Variants in PCSK6 observed in about 807,000 individuals in gnomAD.
The protein encoded by PCSK6 is paired basic amino acid cleaving enzyme 4.
PCSK6 carries 85 observed loss-of-function variants against 123.3 expected under a neutral mutation model. The observed-to-expected ratio is 0.69, with a 90% CI of 0.58 to 0.83. The LOEUF is 0.83. Among genes scored for constraint, PCSK6 ranks in the 40% least tolerant of loss-of-function variants. The pLI, the probability that PCSK6 is intolerant of heterozygous loss-of-function variation, is 0.00. For synonymous variants in PCSK6, 508 were observed against 516.0 expected (o/e 0.98, Z 0.21); for missense variants, 1,191 against 1,282.3 (o/e 0.93, Z 1.09).
chr15:101,455,822 C>T (rs1596352394), intron 1 of PCSK6, among the ~76,000 whole-genome samples: 1 of 152,234 alleles, frequency 6.6e-6, no homozygotes, highest in African/African-American at 2.4e-5. Flanking sequence ...CATGACTTCA[C>T]CAAAATACAA....
At chr15:101,390,432 A>C (rs1253219929) in intron 8 of PCSK6, among the ~76,000 whole-genome samples, 1 of 118,810 alleles carries the variant, frequency 8.4e-6, no homozygotes, top group African/African-American at 3.3e-5. Context: ...GCCGACCTTA[A>C]ACCAGGAAGA....
At chr15:101,454,879 A>C (rs554253405) in intron 1 of PCSK6, among the ~76,000 whole-genome samples, 1 of 152,226 alleles carries the variant, frequency 6.6e-6, no homozygotes, top group South Asian at 2.1e-4. Flanking sequence ...CAGGAGGCGG[A>C]GGTTGCAGTG....
intron 1 of PCSK6, among the ~76,000 whole-genome samples, chr15:101,477,494 T>A (rs1304985964): frequency 6.6e-6 from 1 of 152,240 alleles, no homozygotes; most frequent in Non-Finnish European, 1.5e-5. Context: ...AACCTGCATA[T>A]GAGTGTGCAC....
At chr15:101,446,653 C>G (rs1225155935) in intron 1 of PCSK6, among the ~76,000 whole-genome samples, 1 of 152,232 alleles carries the variant, frequency 6.6e-6, no homozygotes, top group African/African-American at 2.4e-5. Context: ...CATATGTGAA[C>G]TCTGAAACAG....
chr15:101,489,290 C>G, intron 1 of PCSK6, 84 bp downstream of exon 1: 6 of 872,882 alleles, frequency 6.9e-6, no homozygotes, highest in Non-Finnish European at 8.4e-6. Context: ...CGGGGCCGGG[C>G]GGACAGGACT....
chr15:101,464,500 C>T (rs1397404023), intron 1 of PCSK6, among the ~76,000 whole-genome samples: 1 of 152,108 alleles, frequency 6.6e-6, no homozygotes, highest in East Asian at 1.9e-4. Flanking sequence ...GCTGGACCTC[C>T]GGGACATCCT....
At chr15:101,486,500 G>T (rs747049030) in intron 1 of PCSK6, among the ~76,000 whole-genome samples, 10 of 152,204 alleles carry the variant, frequency 6.6e-5, no homozygotes, top group Non-Finnish European at 1.5e-4. Flanking sequence ...TGCCGATAAT[G>T]ACATTGGACA....
At chr15:101,419,484 T>A (rs896830203) in intron 6 of PCSK6, among the ~76,000 whole-genome samples, 10 of 148,386 alleles carry the variant, frequency 6.7e-5, no homozygotes, top group African/African-American at 2.5e-4. Context: ...GATGTCATTC[T>A]CCCCCAATTA....
chr15:101,341,248 GT>G (rs149761692), intron 13 of PCSK6, among the ~76,000 whole-genome samples: 19,506 of 129,522 alleles, frequency 0.15, 1,713 homozygotes, highest in Admixed American at 0.27. Context: ...AAAGTGTGGG[GT>G]TTTTTTTTTT....
At position 101,489,402 on chromosome 15, in the gene PCSK6, G is replaced by A. The variant is rs1240219001; in HGVS notation, c.269C>T (p.Ala90Val). 10 of 1,272,556 alleles carry A rather than the reference G, an allele frequency of 7.9e-6. No homozygotes were observed. The highest frequency in any genetic ancestry group is 3.3e-5 in the Admixed American group (1 of 30,650). The allele number at this position is 1,272,556 out of a possible 1,614,324, so 78.8% of individuals were successfully genotyped here. A position where few individuals can be genotyped will look rare whatever the true frequency, so the allele number is the denominator to read the frequency against. ...GGPAEADRVA[A>V]AHGYLNLGQI... is the part of the protein sequence containing the mutation. ...GCCCAAGTTGAGGTACCCGTGCGCC[G>A]CCGCCACGCGGTCCGCCTCGGCCGG... The change falls in exon 1 of 22, where the codon GCG (alanine) becomes GTG (valine). Residue 90 changes from alanine to valine, a missense_variant. This residue lies in a region of PCSK6 where 204 missense variants were observed against 166.4 expected (regional missense o/e 1.23). Transcript: ENST00000611716.
At chr15:101,326,302 A>C (rs1426466190) in intron 16 of PCSK6, 75 bp downstream of exon 16, 2 of 1,128,882 alleles carry the variant, frequency 1.8e-6, no homozygotes, top group Non-Finnish European at 2.6e-6. Flanking sequence ...CTGGGGCATC[A>C]GGACATGGAG....
At chr15:101,396,648 T>TG (rs1376648454) in intron 7 of PCSK6, among the ~76,000 whole-genome samples, 2 of 152,020 alleles carry the variant, frequency 1.3e-5, no homozygotes, top group Non-Finnish European at 2.9e-5. Context: ...CAGTTCTTGG[T>TG]GGGCAGCAGC....
At chr15:101,385,047 C>G (rs552074656) in intron 9 of PCSK6, among the ~76,000 whole-genome samples, 1 of 152,212 alleles carries the variant, frequency 6.6e-6, no homozygotes, top group Non-Finnish European at 1.5e-5. Context: ...GACAGGGTCT[C>G]GCCCTGTTGC....
At chr15:101,422,761 G>C (rs1257788510) in intron 6 of PCSK6, among the ~76,000 whole-genome samples, 1 of 152,026 alleles carries the variant, frequency 6.6e-6, no homozygotes, top group East Asian at 1.9e-4. Flanking sequence ...AGCTGGGACT[G>C]CAGGCGCCCG....
chr15:101,447,671 CT>C (rs2056925613), intron 1 of PCSK6, among the ~76,000 whole-genome samples: 1 of 152,216 alleles, frequency 6.6e-6, no homozygotes, highest in Non-Finnish European at 1.5e-5. Context: ...AAGTGAGGTT[CT>C]TTTTTTATGT....
At chr15:101,358,040 C>T (rs976209429) in intron 13 of PCSK6, among the ~76,000 whole-genome samples, 4 of 152,184 alleles carry the variant, frequency 2.6e-5, no homozygotes, top group African/African-American at 9.7e-5. Flanking sequence ...CAGGTCATCG[C>T]TGAGGACTGT....
At chr15:101,449,453 CA>C (rs2056977303) in intron 1 of PCSK6, among the ~76,000 whole-genome samples, 1 of 152,206 alleles carries the variant, frequency 6.6e-6, no homozygotes. Context: ...TATACATATC[CA>C]GGTGTGTGTG....
intron 11 of PCSK6, among the ~76,000 whole-genome samples, chr15:101,378,506 C>T (rs1419933294): frequency 6.6e-6 from 1 of 152,240 alleles, no homozygotes; most frequent in Non-Finnish European, 1.5e-5. Flanking sequence ...TGGGCCCTAC[C>T]CCGTGTGGGC....
At chr15:101,478,005 C>T (rs548692078) in intron 1 of PCSK6, among the ~76,000 whole-genome samples, 79 of 152,306 alleles carry the variant, frequency 5.2e-4, no homozygotes, top group African/African-American at 1.8e-3. Flanking sequence ...CTGCCCCAAC[C>T]CTCCATCTGC....
Sources: gnomAD v4.1 joint callset for allele counts (sites outside exome capture counted in the v4.1 genomes callset) on GRCh38, gnomAD v4.1.1 for gene constraint, gnomAD v4.1.1 regional missense constraint, MANE v1.5 for transcripts, NCBI Gene and HGNC (gene_info 2026-07-23, HGNC 2026-07-21) for gene names.